ZSWIM6: variants seen among roughly 807,000 people sequenced by gnomAD.
ZSWIM6 encodes the protein zinc finger SWIM domain-containing protein 6.
In ZSWIM6, 9 loss-of-function variants were observed where a neutral mutation model predicts 113.2. The observed-to-expected ratio is 0.08, with a 90% CI of 0.05 to 0.14. The LOEUF is 0.14. ZSWIM6 is among the 10% of genes least tolerant of loss of function. The pLI is 1.00. For missense variants in ZSWIM6, 1,162 were observed against 1,552.2 expected (o/e 0.75, Z 4.22); for synonymous variants, 611 against 606.5 (o/e 1.01, Z -0.11).
chr5:61,352,578 A>G (rs182455225), intron 1 of ZSWIM6, among the ~76,000 whole-genome samples: 7 of 152,334 alleles, frequency 4.6e-5, no homozygotes, highest in Admixed American at 4.6e-4. Flanking sequence ...AATACAGCCT[A>G]GTTTTGTGTG....
intron 8 of ZSWIM6, 115 bp downstream of exon 8, chr5:61,530,313 T>C (rs1029189816): frequency 9.0e-7 from 1 of 1,114,460 alleles, no homozygotes; most frequent in Non-Finnish European, 1.2e-6. Flanking sequence ...ACAGCACCTT[T>C]GGTTAGCAAG....
At chr5:61,410,731 GT>G (rs1746135555) in intron 1 of ZSWIM6, among the ~76,000 whole-genome samples, 1 of 152,148 alleles carries the variant, frequency 6.6e-6, no homozygotes, top group South Asian at 2.1e-4. Flanking sequence ...GTAAACTACT[GT>G]TACATTGAAC....
intron 1 of ZSWIM6, among the ~76,000 whole-genome samples, chr5:61,395,990 T>A (rs1215690974): frequency 1.3e-5 from 2 of 152,028 alleles, no homozygotes; most frequent in Non-Finnish European, 2.9e-5. Flanking sequence ...AACTAAAAGA[T>A]CTGGAGAGTT....
intron 1 of ZSWIM6, among the ~76,000 whole-genome samples, chr5:61,431,930 G>C (rs1561234949): frequency 6.6e-6 from 1 of 151,770 alleles, no homozygotes; most frequent in Non-Finnish European, 1.5e-5. Context: ...TTCTTTTTTG[G>C]TCTTTCTTGG....
At chr5:61,426,603 T>C (rs1746467285) in intron 1 of ZSWIM6, among the ~76,000 whole-genome samples, 2 of 152,162 alleles carry the variant, frequency 1.3e-5, no homozygotes, top group African/African-American at 2.4e-5. Context: ...ATATTCTTCA[T>C]GGGATTTTTT....
At chr5:61,347,874 A>G (rs936824657) in intron 1 of ZSWIM6, among the ~76,000 whole-genome samples, 1 of 152,210 alleles carries the variant, frequency 6.6e-6, no homozygotes, top group Non-Finnish European at 1.5e-5. Context: ...TAAGACCTGA[A>G]GTATTTTTGA....
chr5:61,480,233 T>C (rs1747819158), intron 2 of ZSWIM6, among the ~76,000 whole-genome samples: 1 of 152,204 alleles, frequency 6.6e-6, no homozygotes, highest in Admixed American at 6.5e-5. Flanking sequence ...TGAATACGTA[T>C]ACTATTGAAC....
chr5:61,467,996 C>T (rs1747475494), intron 1 of ZSWIM6, among the ~76,000 whole-genome samples: 1 of 152,180 alleles, frequency 6.6e-6, no homozygotes, highest in East Asian at 1.9e-4. Flanking sequence ...CACCCCTCCC[C>T]TGTTTCTCCA....
chr5:61,447,178 C>T (rs576373800), intron 1 of ZSWIM6, among the ~76,000 whole-genome samples: 3 of 152,028 alleles, frequency 2.0e-5, no homozygotes, highest in South Asian at 4.2e-4. Flanking sequence ...CTTTCCTGTT[C>T]AACAGCAAAA....
In ZSWIM6 at chr5:61,332,289, A is replaced by C; in HGVS notation, c.17A>C (p.Gln6Pro). The stretch of plus-strand genomic sequence containing the variant: ...GGCGCGGTCATGGCGGAGCGCGGAC[A>C]GCAGCCTCCTCCCGCGAAACGGCTT... MAERG[Q>P]QPPPAKRLCC... Residue 6 changes from glutamine to proline, a missense_variant, in exon 1 of 14, where the codon CAG becomes CCG. By Grantham distance (76) the Gln-to-Pro change is moderately conservative (BLOSUM62 -1). Around this residue, in one of 4 missense-constraint regions of ZSWIM6, gnomAD observed 333 missense variants for 293.4 expected, o/e 1.13. Coordinates refer to ENST00000252744, the MANE Select transcript of ZSWIM6 (RefSeq NM_020928.2). 1.7e-6 allele frequency: 2 copies of C among 1,165,576 alleles called. No individual in the cohort carries two copies. Among genetic ancestry groups the C allele is most frequent in the South Asian group, 4.2e-5 (1 of 23,842 alleles). 72.2% of individuals were successfully genotyped at this position (1,165,576 alleles called of 1,614,324 possible).
At chr5:61,390,837 T>C (rs1745691878) in intron 1 of ZSWIM6, 3 of 817,628 alleles carry the variant, frequency 3.7e-6, no homozygotes, top group South Asian at 2.6e-5. Context: ...CAAGGACTTG[T>C]GAAGGGTGAG....
At chr5:61,491,575 G>T (rs1324717801) in intron 3 of ZSWIM6, among the ~76,000 whole-genome samples, 2 of 151,768 alleles carry the variant, frequency 1.3e-5, no homozygotes, top group Non-Finnish European at 2.9e-5. Context: ...AATTTATCTG[G>T]GTCATAAGTT....
intron 1 of ZSWIM6, among the ~76,000 whole-genome samples, chr5:61,404,692 G>A (rs747799719): frequency 1.6e-4 from 24 of 152,190 alleles, no homozygotes; most frequent in Non-Finnish European, 2.8e-4. Flanking sequence ...GGATTTCACC[G>A]CCTCCTTTAG....
At chr5:61,423,266 G>T (rs1746390741) in intron 1 of ZSWIM6, among the ~76,000 whole-genome samples, 1 of 152,100 alleles carries the variant, frequency 6.6e-6, no homozygotes, top group Non-Finnish European at 1.5e-5. Flanking sequence ...AAATTAGCAG[G>T]ACATGGTGGC....
rs190202265 is a variant in ZSWIM6, at chr5:61,462,563, A to G, written c.677-10118A>G. Among the ~76,000 whole-genome samples the G allele has an allele frequency of 9.5e-4, 144 of 152,366 alleles. 1 individual carries two copies. Among genetic ancestry groups the G allele is most frequent in the African/African-American group, 3.4e-3 (140 of 41,600 alleles). ...TTAGCACAACAACAAACCATAGTCC[A>G]TTATTGTAGTAGAATGCCAGCATGC... is the stretch of plus-strand genomic sequence containing the variant. On this transcript the variant is annotated intron_variant, in intron 1 of 13. Transcript: ENST00000252744.
intron 1 of ZSWIM6, among the ~76,000 whole-genome samples, chr5:61,336,092 G>A (rs1045931742): frequency 2.0e-4 from 30 of 152,020 alleles, no homozygotes; most frequent in African/African-American, 7.2e-4. Context: ...GTTAAACCCT[G>A]TCCCTACCAA....
chr5:61,482,297 A>G (rs886499754), intron 2 of ZSWIM6, among the ~76,000 whole-genome samples: 10 of 152,114 alleles, frequency 6.6e-5, no homozygotes, highest in Non-Finnish European at 1.0e-4. Flanking sequence ...GAGTTGAACA[A>G]TGAGAACACA....
At chr5:61,402,501 G>A (rs1170817745) in intron 1 of ZSWIM6, among the ~76,000 whole-genome samples, 3 of 151,648 alleles carry the variant, frequency 2.0e-5, no homozygotes, top group African/African-American at 4.8e-5. Flanking sequence ...TTTGTAGCAT[G>A]GATTCCAGAG....
At chr5:61,504,536 C>A (rs1458704901) in intron 4 of ZSWIM6, among the ~76,000 whole-genome samples, 1 of 152,178 alleles carries the variant, frequency 6.6e-6, no homozygotes, top group African/African-American at 2.4e-5. Context: ...ACAGAAAAGT[C>A]AGTGCATTAA....
Sources: allele counts gnomAD v4.1 joint callset (sites outside exome capture counted in the v4.1 genomes callset), GRCh38; gene constraint gnomAD v4.1.1; regional missense constraint gnomAD v4.1.1; transcripts MANE v1.5; gene names NCBI Gene and HGNC (gene_info 2026-07-23, HGNC 2026-07-21).